SSR2: variants seen among roughly 807,000 people sequenced by gnomAD.
SSR2 encodes translocon-associated protein subunit beta.
Under a neutral mutation model 22.6 loss-of-function variants are expected in SSR2, and 16 were observed. The ratio of observed to expected loss-of-function variants is 0.71; its 90% confidence interval spans 0.48 to 1.08. The LOEUF is 1.08. Among genes scored for constraint, SSR2 ranks in the 50% least tolerant of loss-of-function variants. SSR2 has a pLI of 0.00. For missense variants in SSR2, 171 were observed against 221.6 expected (o/e 0.77, Z 1.45); for synonymous variants, 83 against 91.2 (o/e 0.91, Z 0.51).
At position 156,020,087 on chromosome 1, in the gene SSR2, T is replaced by C; in HGVS notation, c.81A>G (p.Lys27=). 2 of 1,614,174 alleles carry C rather than the reference T, an allele frequency of 1.2e-6. No homozygotes were observed. The highest frequency in any genetic ancestry group is 1.7e-6 in the Non-Finnish European group (2 of 1,180,030). ...CCACGGCGTATCTGTTCAGCAGTGATTTGGAAGCCAAAAGCCTGGCTCCTT... is the reference window on the plus strand; with the variant it reads ...CCACGGCGTATCTGTTCAGCAGTGACTTGGAAGCCAAAAGCCTGGCTCCTT... ...AEEGARLLAS[K]SLLNRYAVEG... Residue 27 remains lysine, a synonymous_variant, in exon 2 of 6, where the codon AAA becomes AAG. Coordinates refer to ENST00000295702, the MANE Select transcript of SSR2 (RefSeq NM_003145.4).
Position 156,020,137 on chromosome 1 carries a change from G to C in SSR2, c.31C>G (p.Leu11Val), listed in dbSNP as rs146742067. 2 of 1,614,086 alleles carry C rather than the reference G, an allele frequency of 1.2e-6. No homozygotes were observed. Among genetic ancestry groups the C allele is most frequent in the Admixed American group, 3.3e-5 (2 of 60,006 alleles). The stretch of plus-strand genomic sequence containing the variant: ...TCCTCTGCTTGAGTGACAGCAAATA[G>C]AGCCAACACCACAAATGACAGCAGC... MRLLSFVVLA[L>V]FAVTQAEEGA... Residue 11 changes from leucine (L) to valine (V), a missense_variant, in exon 2 of 6, where the codon CTA becomes GTA. Coordinates refer to ENST00000295702, the MANE Select transcript of SSR2 (RefSeq NM_003145.4).
chr1:156,010,978 T>C (rs1682970289), intron 5 of SSR2: 1 of 151,834 alleles, frequency 6.6e-6, no homozygotes, highest in African/African-American at 2.4e-5. Flanking sequence ...CATTTACCTT[T>C]TTTTTTTTTG....
intron 5 of SSR2, chr1:156,010,831 T>G (rs968633150): frequency 1.3e-5 from 2 of 152,340 alleles, no homozygotes; most frequent in African/African-American, 2.4e-5. Context: ...CACACCATGC[T>G]TTTCTCAATC....
chr1:156,020,417 T>A (rs907285581), intron 1 of SSR2: 1 of 400,288 alleles, frequency 2.5e-6, no homozygotes, highest in African/African-American at 2.0e-5. Flanking sequence ...AGCCCCGGGA[T>A]GCCCACCGGC....
chr1:156,017,941 G>T (rs1283141667), intron 3 of SSR2, among the ~76,000 whole-genome samples: 1 of 150,362 alleles, frequency 6.7e-6, no homozygotes, highest in Non-Finnish European at 1.5e-5. Flanking sequence ...ATAGAGACAG[G>T]GTTTCACCAT....
At chr1:156,014,903 G>T (rs999521328) in intron 4 of SSR2, 58 bp downstream of exon 4, 2 of 1,399,496 alleles carry the variant, frequency 1.4e-6, no homozygotes, top group Admixed American at 1.8e-5. Flanking sequence ...CCCACCACAA[G>T]AGATTTTAAG....
Position 156,011,826 on chromosome 1 carries a change from C to T in SSR2, c.425G>A (p.Arg142Gln), listed in dbSNP as rs756957158. ...GILAQREFDR[R>Q]FSPHFLDWAA... is the part of the protein sequence containing the mutation. Reference sequence around the variant, plus strand: ...AAAGCTTACAAAATGAGGGGAGAATCGCCTGTCAAACTCCCGCTGAGCCAG... The same window carrying T: ...AAAGCTTACAAAATGAGGGGAGAATTGCCTGTCAAACTCCCGCTGAGCCAG... Residue 142 changes from arginine to glutamine, a missense_variant, in exon 5 of 6, where the codon CGA becomes CAA. Arg to Gln is a conservative substitution (Grantham distance 43, BLOSUM62 1). Coordinates refer to ENST00000295702, the MANE Select transcript of SSR2 (RefSeq NM_003145.4). 1.4e-5 allele frequency: 22 copies of T among 1,613,652 alleles called. No homozygotes were observed. The highest frequency in any genetic ancestry group is 1.9e-5 in the Non-Finnish European group (22 of 1,179,802).
rs753797941 is a variant in SSR2 at position 156,018,252 on chromosome 1, C to T, written c.254+18G>A. The T allele has an allele frequency of 6.2e-7, 1 of 1,606,492 alleles. No homozygotes were observed. The highest frequency in any genetic ancestry group is 1.7e-5 in the Admixed American group (1 of 59,982). On this transcript the variant is annotated intron_variant, in intron 3 of 5. Transcript: ENST00000295702. ...TCCCTGCCCCCCGACCCTTCATCAC[C>T]AAGTGCCAAGAGGATACGGGGCAAT...
At chr1:156,020,427 C>T (rs1265860950) in intron 1 of SSR2, 5 of 403,850 alleles carry the variant, frequency 1.2e-5, no homozygotes, top group African/African-American at 1.0e-4. Context: ...TGCCCACCGG[C>T]TGGTGGAGTC....
chr1:156,009,960 G>C (rs753121607), intron 5 of SSR2, among the ~76,000 whole-genome samples: 8 of 151,660 alleles, frequency 5.3e-5, no homozygotes, highest in Non-Finnish European at 1.2e-4. Flanking sequence ...CTTTAGTAGA[G>C]ACTGGGTTTC....
chr1:156,016,963 G>A (rs993568715), intron 3 of SSR2, among the ~76,000 whole-genome samples: 4 of 152,152 alleles, frequency 2.6e-5, no homozygotes, highest in South Asian at 2.1e-4. Flanking sequence ...CTGCAGAACC[G>A]TGAACAAATT....
intron 4 of SSR2, chr1:156,014,166 G>A (rs945442198): frequency 2.0e-5 from 3 of 152,152 alleles, no homozygotes; most frequent in South Asian, 2.1e-4. Flanking sequence ...CTGTTGCCCA[G>A]GCTGGAATGC....
intron 3 of SSR2, among the ~76,000 whole-genome samples, chr1:156,015,687 C>G (rs1183115309): frequency 6.7e-6 from 1 of 149,618 alleles, no homozygotes; most frequent in Non-Finnish European, 1.5e-5. Context: ...CTTGGCCTCC[C>G]AAAGTCCTGG....
In SSR2 at chr1:156,018,198, G is replaced by A; in HGVS notation, c.254+72C>T. On this transcript the variant is annotated intron_variant, in intron 3 of 5. Transcript: ENST00000295702. ...GCCACACATATCCAGCCTATTTGAAGTACCCCTGCTGCTTTGCAGGCAAGG... is the reference window on the plus strand; with the variant it reads ...GCCACACATATCCAGCCTATTTGAAATACCCCTGCTGCTTTGCAGGCAAGG... The A allele has an allele frequency of 6.1e-6, 7 of 1,144,722 alleles. No individual in the cohort carries two copies. The South Asian group carries it at 8.7e-5, about 14-fold the overall frequency. 70.9% of individuals were successfully genotyped at this position (1,144,722 alleles called of 1,614,324 possible).
chr1:156,016,394 T>C (rs1683057966), intron 3 of SSR2, among the ~76,000 whole-genome samples: 1 of 151,866 alleles, frequency 6.6e-6, no homozygotes. Flanking sequence ...CCACCACGCC[T>C]GGCTAATTTT....
chr1:156,009,407 T>G lies in SSR2; in HGVS notation c.*133A>C. 1.4e-6 allele frequency: 1 copy of G among 729,602 alleles called. No homozygotes were observed. The highest frequency in any genetic ancestry group is 1.6e-5 in the South Asian group (1 of 62,208). 45.2% of individuals were successfully genotyped at this position (729,602 alleles called of 1,614,324 possible). ...CACTATGGCTGAGAGCAGGGCAGGA[T>G]CCAGGAGAAAGTGGCCAAGGGCTAA... On this transcript the variant is annotated 3_prime_UTR_variant, in exon 6 of 6. Transcript: ENST00000295702.
intron 3 of SSR2, 188 bp downstream of exon 3, chr1:156,018,082 C>T (rs541016915): frequency 2.1e-5 from 11 of 511,952 alleles, no homozygotes; most frequent in Middle Eastern, 5.4e-4. Flanking sequence ...ACTTCAGTAT[C>T]CTCCTTCTTC....
Position 156,019,084 on chromosome 1 carries a change from C to A in SSR2, c.156-716G>T, listed in dbSNP as rs780471491. The A allele has an allele frequency of 2.0e-5, 4 of 198,012 alleles. No homozygotes were observed. In the East Asian group the frequency reaches 3.7e-4, roughly 18 times the overall value. The allele number at this position is 198,012 out of a possible 1,614,324, so 12.3% of individuals were successfully genotyped here. A position where few individuals can be genotyped will look rare whatever the true frequency, so the allele number is the denominator to read the frequency against. ...TTAAAGCAATAAACAATCAAACCTG[C>A]CTGCTTCTCCAAAAAAATCAGAATT... is the stretch of plus-strand genomic sequence containing the variant. On this transcript the variant is annotated intron_variant, in intron 2 of 5. Coordinates refer to ENST00000295702, the MANE Select transcript of SSR2 (RefSeq NM_003145.4).
chr1:156,018,398 G>A, intron 2 of SSR2, 30 bp from the exon 3 acceptor site: 6 of 1,567,342 alleles, frequency 3.8e-6, no homozygotes, highest in Non-Finnish European at 5.3e-6. Context: ...AAAAGGGTTA[G>A]TAAGTAATGG....
Sources: gnomAD v4.1 joint callset for allele counts (sites outside exome capture counted in the v4.1 genomes callset) on GRCh38, gnomAD v4.1.1 for gene constraint, MANE v1.5 for transcripts, NCBI Gene and HGNC (gene_info 2026-07-23, HGNC 2026-07-21) for gene names.